PRELID2: variants seen among roughly 807,000 people sequenced by gnomAD.
PRELID2 encodes the protein PRELI domain containing 2.
A neutral mutation model predicts 28.4 loss-of-function variants in PRELID2; 25 were observed. The ratio of observed to expected loss-of-function variants is 0.88; its 90% confidence interval spans 0.64 to 1.23. PRELID2 has a LOEUF of 1.23. Among genes scored for constraint, PRELID2 ranks in the 50% most tolerant of loss-of-function variants. PRELID2 has a pLI of 0.00. For missense variants in PRELID2, 201 were observed against 214.4 expected, an observed-to-expected ratio of 0.94 and a Z score of 0.39; for synonymous variants, 76 against 71.6, an observed-to-expected ratio of 1.06 and a Z score of -0.31.
At chr5:145,773,470 C>G (rs1490418648) in intron 5 of PRELID2, among the ~76,000 whole-genome samples, 1 of 152,224 alleles carries the variant, frequency 6.6e-6, no homozygotes, top group Non-Finnish European at 1.5e-5. Flanking sequence ...ACTTGCACTT[C>G]ATGCAAAATA....
At chr5:145,721,377 A>T (rs1162065781) in intron 1 of PRELID2, among the ~76,000 whole-genome samples, 1 of 152,210 alleles carries the variant, frequency 6.6e-6, no homozygotes, top group East Asian at 1.9e-4. Flanking sequence ...GGTATGTCAG[A>T]AACTGGCAAG....
rs1161748403 is a variant in PRELID2 at position 145,741,969 on chromosome 5, AATTT to A, written n.70+22958_70+22961del. ...TAAATTTATTATAATTAAATAAATA[AATTT>A]ATTTAATTATAATAAATTTATTATA... On this transcript the variant is annotated intron_variant and non_coding_transcript_variant, in intron 1 of 2. Transcript: ENST00000510259. Among the ~76,000 whole-genome samples the A allele has an allele frequency of 1.3e-4, 7 of 55,038 alleles. No homozygotes were observed. In the East Asian group the frequency reaches 2.2e-3, roughly 18 times the overall value. 36.1% of individuals were successfully genotyped at this position (55,038 alleles called of 152,430 possible).
chr5:145,739,809 G>C (rs145687152), intron 1 of PRELID2, among the ~76,000 whole-genome samples: 1 of 151,426 alleles, frequency 6.6e-6, no homozygotes, highest in African/African-American at 2.4e-5. Context: ...GTAATATATA[G>C]AGCAACCACC....
chr5:145,261,818 C>T, the PRELID2 span, among the ~76,000 whole-genome samples: 1 of 152,104 alleles, frequency 6.6e-6, no homozygotes, highest in East Asian at 1.9e-4. Context: ...AGCTCACCAG[C>T]AATGGATCCA....
chr5:145,674,027 T>A lies in PRELID2; in HGVS notation n.70+90904A>T, dbSNP rs181710646. Among the ~76,000 whole-genome samples the A allele has an allele frequency of 1.5e-4, 23 of 152,316 alleles. 1 individual carries two copies. Among genetic ancestry groups the A allele is most frequent in the Admixed American group, 1.4e-3 (22 of 15,290 alleles). On this transcript the variant is annotated intron_variant and non_coding_transcript_variant, in intron 1 of 2. Transcript: ENST00000510259. ...CAATAAAATGTCATCAGGTTTTTATTTTCCTAAATATAAAGTTGATTATAC... is the reference window on the plus strand; with the variant it reads ...CAATAAAATGTCATCAGGTTTTTATATTCCTAAATATAAAGTTGATTATAC...
At chr5:145,428,904 G>C in the PRELID2 span, among the ~76,000 whole-genome samples, 2 of 132,356 alleles carry the variant, frequency 1.5e-5, no homozygotes, top group African/African-American at 5.8e-5. Flanking sequence ...GTGTTCTAGG[G>C]GCAATAAGGA....
At chr5:145,353,303 C>A in the PRELID2 span, among the ~76,000 whole-genome samples, 3 of 151,508 alleles carry the variant, frequency 2.0e-5, no homozygotes, top group East Asian at 2.0e-4. Flanking sequence ...AACACACACA[C>A]ACACAAAAAA....
At chr5:145,516,490 A>G (rs1198840265) in intron 1 of PRELID2, among the ~76,000 whole-genome samples, 2 of 152,224 alleles carry the variant, frequency 1.3e-5, no homozygotes, top group African/African-American at 4.8e-5. Context: ...ATAAGAGAGG[A>G]TAAAAACAAA....
At chr5:145,379,695 A>C in the PRELID2 span, among the ~76,000 whole-genome samples, 1 of 152,108 alleles carries the variant, frequency 6.6e-6, no homozygotes, top group African/African-American at 2.4e-5. Flanking sequence ...ACAGACAGCA[A>C]AGCAATGTGG....
intron 4 of PRELID2, among the ~76,000 whole-genome samples, chr5:145,798,516 T>G (rs1287871678): frequency 2.6e-5 from 4 of 152,186 alleles, no homozygotes; most frequent in Admixed American, 2.6e-4. Flanking sequence ...AGCCATCCCA[T>G]TACTGGGTAT....
chr5:145,513,572 C>T (rs1373082519), intron 1 of PRELID2, among the ~76,000 whole-genome samples: 1 of 152,108 alleles, frequency 6.6e-6, no homozygotes, highest in African/African-American at 2.4e-5. Flanking sequence ...TTCAGGATAA[C>T]ATCCAGCAGA....
the PRELID2 span, among the ~76,000 whole-genome samples, chr5:145,312,843 A>T: frequency 6.6e-6 from 1 of 152,080 alleles, no homozygotes. Context: ...TTTTTTCAAC[A>T]TGTTGATTCT....
chr5:145,352,993 T>C, the PRELID2 span, among the ~76,000 whole-genome samples: 1 of 152,140 alleles, frequency 6.6e-6, no homozygotes, highest in Non-Finnish European at 1.5e-5. Context: ...TTTTAGGAAG[T>C]TCCAAACTTT....
At chr5:145,826,289 T>A (rs777135391) in intron 1 of PRELID2, 2 of 514,874 alleles carry the variant, frequency 3.9e-6, no homozygotes, top group African/African-American at 4.2e-5. Flanking sequence ...GATTCTTCAA[T>A]CCCCATTTCA....
intron 1 of PRELID2, among the ~76,000 whole-genome samples, chr5:145,525,704 T>A (rs1431383946): frequency 6.6e-6 from 1 of 152,194 alleles, no homozygotes; most frequent in African/African-American, 2.4e-5. Context: ...CGGTTTACTC[T>A]CAATGATCGA....
the PRELID2 span, among the ~76,000 whole-genome samples, chr5:145,423,407 C>G: frequency 6.6e-6 from 1 of 152,084 alleles, no homozygotes; most frequent in Non-Finnish European, 1.5e-5. Flanking sequence ...TCACATAGTC[C>G]CATATTTCTT....
intron 1 of PRELID2, among the ~76,000 whole-genome samples, chr5:145,516,586 C>T (rs1329309445): frequency 6.6e-6 from 1 of 152,134 alleles, no homozygotes; most frequent in African/African-American, 2.4e-5. Context: ...AGATTCAATG[C>T]TGTCCCCATC....
chr5:145,799,025 A>AATATATATATATATATAT lies in PRELID2; in HGVS notation c.369-2479_369-2478insATATATATATATATATAT, dbSNP rs532556100. On this transcript the variant is annotated intron_variant, in intron 4 of 6. Transcript: ENST00000683046. ...TACCCTAGAACTTAAAGTATAATAA[A>AATATATATATATATATAT]ATATATATATATATATAAAAGACTC... 2.3e-3 allele frequency among the ~76,000 whole-genome samples: 333 copies of AATATATATATATATATAT among 147,946 alleles called. 1 individual carries two copies. The highest frequency in any genetic ancestry group is 8.2e-3 in the African/African-American group (327 of 40,090).
At chr5:145,611,598 T>C (rs1247694656) in intron 1 of PRELID2, among the ~76,000 whole-genome samples, 1 of 152,214 alleles carries the variant, frequency 6.6e-6, no homozygotes, top group Non-Finnish European at 1.5e-5. Context: ...TATAACTCTA[T>C]TCAAAACAGA....
Sources: gnomAD v4.1 joint callset for allele counts (sites outside exome capture counted in the v4.1 genomes callset) on GRCh38, gnomAD v4.1.1 for gene constraint, MANE v1.5 for transcripts, NCBI Gene and HGNC (gene_info 2026-07-23, HGNC 2026-07-21) for gene names.